The following UBE3C variants were observed in gnomAD, a reference collection of about 807,000 sequenced individuals.
UBE3C encodes the protein ubiquitin protein ligase E3C, also known as ubiquitin-protein ligase E3C.
In UBE3C, 42 loss-of-function variants were observed where a neutral mutation model predicts 129.4. That is an observed-to-expected ratio of 0.32 (90% CI 0.25 to 0.42). UBE3C has a LOEUF of 0.42. Ranked by LOEUF, UBE3C falls within the 10% of genes least tolerant of loss-of-function variation. UBE3C has a pLI of 1.00. For missense variants in UBE3C, 1,049 were observed against 1,319.1 expected (o/e 0.80, Z 3.17); for synonymous variants, 510 against 492.4 (o/e 1.04, Z -0.47).
chr7:157,226,549 A>C (rs542502605), intron 17 of UBE3C, among the ~76,000 whole-genome samples: 34 of 152,216 alleles, frequency 2.2e-4, no homozygotes, highest in Non-Finnish European at 4.4e-4. Context: ...GAGTTGTCCA[A>C]TGTGAAATGA....
intron 18 of UBE3C, among the ~76,000 whole-genome samples, chr7:157,238,637 A>G (rs1796215486): frequency 6.6e-6 from 1 of 152,070 alleles, no homozygotes; most frequent in Admixed American, 6.6e-5. Context: ...AGTGAGGGGC[A>G]GTTGAGGATA....
intron 22 of UBE3C, among the ~76,000 whole-genome samples, chr7:157,267,296 C>T (rs1049459244): frequency 6.6e-6 from 1 of 152,128 alleles, no homozygotes; most frequent in South Asian, 2.1e-4. Flanking sequence ...GTGGCAGGCA[C>T]CTGTAATCCC....
intron 18 of UBE3C, among the ~76,000 whole-genome samples, chr7:157,234,886 C>G (rs1796113957): frequency 6.6e-6 from 1 of 152,130 alleles, no homozygotes; most frequent in African/African-American, 2.4e-5. Flanking sequence ...TTTCATAATT[C>G]ATTGTATGAA....
chr7:157,220,993 C>T lies in UBE3C; in HGVS notation c.2002+217C>T, dbSNP rs1266497332. ...CACCCATTTCTGTTTTGTCCTGTCACTTTGCCTTTTGCAAAAGGCCTCCAA... is the reference window on the plus strand; with the variant it reads ...CACCCATTTCTGTTTTGTCCTGTCATTTTGCCTTTTGCAAAAGGCCTCCAA... On this transcript the variant is annotated intron_variant, in intron 15 of 22. Transcript: ENST00000348165. The T allele has an allele frequency of 6.1e-6, 3 of 495,500 alleles. No homozygotes were observed. The East Asian group carries it at 1.1e-4, about 18-fold the overall frequency. The allele number at this position is 495,500 out of a possible 1,614,324, so 30.7% of individuals were successfully genotyped here.
intron 4 of UBE3C, among the ~76,000 whole-genome samples, chr7:157,171,787 A>G (rs189467036): frequency 0.014 from 1,854 of 136,930 alleles, 39 homozygotes; most frequent in African/African-American, 0.047. Context: ...GCTCACTGTA[A>G]CCTCCGCCTC....
rs1584822793 is a variant in UBE3C, at chr7:157,252,004, T to A, written c.2695-1950T>A. Among the ~76,000 whole-genome samples the A allele has an allele frequency of 4.6e-5, 7 of 152,168 alleles. No individual in the cohort carries two copies. In the South Asian group the frequency reaches 1.5e-3, roughly 32 times the overall value. On this transcript the variant is annotated intron_variant, in intron 19 of 22. Transcript: ENST00000348165. Reference sequence around the variant, plus strand: ...CAAAAAACTGAGCCGGGCGTGGTGATGTGCACCTGTAATCCCAGCTACTCG... The same window carrying A: ...CAAAAAACTGAGCCGGGCGTGGTGAAGTGCACCTGTAATCCCAGCTACTCG...
In UBE3C at chr7:157,225,672, G is replaced by A. The variant is rs1245360071; in HGVS notation, c.2233+133G>A. ...ACTTAAAAACTGAAATGTGAGGCTG[G>A]GCATGGCAGCTCACACCTATAATCC... is the stretch of plus-strand genomic sequence containing the variant. On this transcript the variant is annotated intron_variant, in intron 17 of 22. Transcript: ENST00000348165. The A allele has an allele frequency of 9.5e-6, 10 of 1,047,804 alleles. No individual in the cohort carries two copies. In the Admixed American group the frequency reaches 3.1e-4, roughly 33 times the overall value. The allele number at this position is 1,047,804 out of a possible 1,614,324, so 64.9% of individuals were successfully genotyped here.
In UBE3C at chr7:157,139,140, G is replaced by A. The variant is rs1271808082; in HGVS notation, c.-133G>A. On this transcript the variant is annotated 5_prime_UTR_variant, in exon 1 of 23. Coordinates refer to ENST00000348165, the MANE Select transcript of UBE3C (RefSeq NM_014671.3). Reference sequence around the variant, plus strand: ...TACAGCCCGGGGGCGGGCTCGGGTCGCCTCCCGGCCGCCGCGTCCTCGCTG... The same window carrying A: ...TACAGCCCGGGGGCGGGCTCGGGTCACCTCCCGGCCGCCGCGTCCTCGCTG... 4.5e-6 allele frequency: 2 copies of A among 441,530 alleles called. No individual in the cohort carries two copies. The highest frequency in any genetic ancestry group is 6.1e-6 in the Non-Finnish European group (2 of 330,440). 27.4% of individuals were successfully genotyped at this position (441,530 alleles called of 1,614,324 possible).
chr7:157,220,467 G>T (rs1379975860), intron 14 of UBE3C, among the ~76,000 whole-genome samples: 1 of 152,058 alleles, frequency 6.6e-6, no homozygotes, highest in East Asian at 1.9e-4. Context: ...GATTTCTTTG[G>T]GGCATATTAG....
chr7:157,168,790 A>G (rs1160977132), intron 2 of UBE3C, among the ~76,000 whole-genome samples: 1 of 152,218 alleles, frequency 6.6e-6, no homozygotes, highest in Non-Finnish European at 1.5e-5. Context: ...AAGAGAAGGG[A>G]CGGCAGGAAA....
At chr7:157,254,491 G>A (rs1276496430) in intron 21 of UBE3C, among the ~76,000 whole-genome samples, 181 bp downstream of exon 21, 2 of 151,448 alleles carry the variant, frequency 1.3e-5, no homozygotes, top group Admixed American at 6.6e-5. Flanking sequence ...TTTGCCTCCC[G>A]GGTTCAAGCA....
At chr7:157,171,686 ATTTTTTTTTTTTTTTTT>A (rs77471740) in intron 4 of UBE3C, among the ~76,000 whole-genome samples, 307 of 37,296 alleles carry the variant, frequency 8.2e-3, no homozygotes, top group African/African-American at 0.022. Flanking sequence ...ATATATATAT[ATTTTTTTTTTTTTTTTT>A]TTTTTTTTTT....
intron 8 of UBE3C, among the ~76,000 whole-genome samples, chr7:157,183,118 C>T (rs1186477749): frequency 6.6e-6 from 1 of 152,000 alleles, no homozygotes; most frequent in Non-Finnish European, 1.5e-5. Context: ...TTTTTTTTCC[C>T]ACACACCAAG....
In UBE3C at chr7:157,145,251, A is replaced by G. The variant is rs1459920275; in HGVS notation, c.66+5913A>G. Among the ~76,000 whole-genome samples the G allele has an allele frequency of 2.6e-5, 4 of 151,968 alleles. No individual in the cohort carries two copies. The East Asian group carries it at 7.7e-4, about 29-fold the overall frequency. On this transcript the variant is annotated intron_variant, in intron 1 of 22. Transcript: ENST00000348165. ...GCATGACTCTGTCTCCAAAAAAAAG[A>G]AAAAAGGAGGAGGCCCGGCACTTTG...
Position 157,184,023 on chromosome 7 carries a change from A to G in UBE3C, c.1137A>G (p.Ser379=), listed in dbSNP as rs759519325. The G allele has an allele frequency of 8.7e-6, 14 of 1,613,842 alleles. No homozygotes were observed. Among genetic ancestry groups the G allele is most frequent in the Non-Finnish European group, 8.5e-7 (1 of 1,179,910 alleles). ...AGAGTGAAGAAGCCGACAAGCCCTC[A>G]AGCCCGGTAAGCCCCGTGCCCTGCA... ...EEESEEADKP[S]SPEDGRLSVS... The change falls in exon 9 of 23, where the codon TCA becomes TCG. Residue 379 remains serine, a synonymous_variant. Coordinates refer to ENST00000348165, the MANE Select transcript of UBE3C (RefSeq NM_014671.3).
intron 19 of UBE3C, among the ~76,000 whole-genome samples, chr7:157,250,883 C>T (rs1563075076): frequency 6.6e-6 from 1 of 152,062 alleles, no homozygotes; most frequent in Admixed American, 6.6e-5. Flanking sequence ...TTTGCTAATG[C>T]GAGTATTTCC....
chr7:157,141,174 G>A (rs1321057466), intron 1 of UBE3C, among the ~76,000 whole-genome samples: 2 of 152,172 alleles, frequency 1.3e-5, no homozygotes, highest in East Asian at 3.9e-4. Flanking sequence ...CCCTTAGTAG[G>A]AACTGGCAGC....
chr7:157,233,939 GA>G lies in UBE3C; in HGVS notation c.2481+2613del, dbSNP rs1563067780. On this transcript the variant is annotated intron_variant, in intron 18 of 22. Transcript: ENST00000348165. Reference sequence around the variant, plus strand: ...TCATTGTGGTTTTAATTTCCCTGGTGACTAATAATGTTGACCATCTTTTCAT... The same window carrying G: ...TCATTGTGGTTTTAATTTCCCTGGTGCTAATAATGTTGACCATCTTTTCAT... Among the ~76,000 whole-genome samples, 3 of 152,000 alleles carry G rather than the reference GA, an allele frequency of 2.0e-5. No individual in the cohort carries two copies. In the East Asian group the frequency reaches 5.8e-4, roughly 29 times the overall value.
intron 19 of UBE3C, among the ~76,000 whole-genome samples, chr7:157,253,257 A>G (rs894361808): frequency 2.6e-5 from 4 of 152,230 alleles, no homozygotes; most frequent in East Asian, 1.9e-4. Flanking sequence ...TGTCTGTCAT[A>G]CAAGTGGGGG....
Sources: gnomAD v4.1 joint callset for allele counts (sites outside exome capture counted in the v4.1 genomes callset) on GRCh38, gnomAD v4.1.1 for gene constraint, MANE v1.5 for transcripts, NCBI Gene and HGNC (gene_info 2026-07-23, HGNC 2026-07-21) for gene names.